The following RGP1 variants were observed in gnomAD, a reference collection of about 807,000 sequenced individuals.
RGP1 encodes RGP1 partner of RAB6A GEF complex.
In RGP1, 28 loss-of-function variants were observed where a neutral mutation model predicts 44.5. The ratio of observed to expected loss-of-function variants is 0.63; its 90% confidence interval spans 0.47 to 0.86. The LOEUF is 0.86. RGP1 is among the 40% of genes least tolerant of loss of function. The pLI, the probability that RGP1 is intolerant of heterozygous loss-of-function variation, is 0.00. For missense variants in RGP1, 417 were observed against 490.7 expected, an observed-to-expected ratio of 0.85 and a Z score of 1.42; for synonymous variants, 212 against 196.7, an observed-to-expected ratio of 1.08 and a Z score of -0.65.
the RGP1 span, among the ~76,000 whole-genome samples, chr9:35,771,270 C>T: frequency 2.6e-5 from 4 of 152,140 alleles, no homozygotes; most frequent in Non-Finnish European, 4.4e-5. Flanking sequence ...GCAGTCAGCC[C>T]GGAGCACAGC....
the RGP1 span, among the ~76,000 whole-genome samples, chr9:35,778,381 A>G: frequency 2.0e-5 from 3 of 152,202 alleles, no homozygotes; most frequent in Non-Finnish European, 2.9e-5. Flanking sequence ...GTTCCCCTTC[A>G]GGGAGGTATT....
the RGP1 span, among the ~76,000 whole-genome samples, chr9:35,771,946 A>G: frequency 6.6e-6 from 1 of 152,068 alleles, no homozygotes; most frequent in Non-Finnish European, 1.5e-5. Context: ...CTATTTATGT[A>G]TTATTTTTAT....
At chr9:35,767,553 A>T in the RGP1 span, among the ~76,000 whole-genome samples, 1 of 152,242 alleles carries the variant, frequency 6.6e-6, no homozygotes, top group South Asian at 2.1e-4. Flanking sequence ...TCAGAGCAGG[A>T]TGAGCTCTAT....
rs776216680 is a variant in RGP1 at position 35,750,691 on chromosome 9, C to T, written c.287C>T (p.Pro96Leu). Residue 96 changes from proline to leucine, a missense_variant, in exon 4 of 9, where the codon CCG becomes CTG. Coordinates refer to ENST00000378078, the MANE Select transcript of RGP1 (RefSeq NM_001080496.3). ...ERGQCILSTP[P>L]KILFCDLRLD... The stretch of plus-strand genomic sequence containing the variant: ...GGCCAGTGTATCCTTTCTACTCCAC[C>T]GAAAATTCTATTCTGTGACCTGAGG... The T allele has an allele frequency of 1.5e-5, 24 of 1,613,844 alleles. No homozygotes were observed. Among genetic ancestry groups the T allele is most frequent in the East Asian group, 4.5e-5 (2 of 44,892 alleles).
the RGP1 span, chr9:35,772,326 G>C: frequency 2.0e-5 from 3 of 152,194 alleles, no homozygotes; most frequent in Admixed American, 2.0e-4. Context: ...ACATCAGCTG[G>C]ATATTGAGAT....
chr9:35,774,825 C>A, the RGP1 span, among the ~76,000 whole-genome samples: 2 of 151,912 alleles, frequency 1.3e-5, no homozygotes, highest in Admixed American at 6.6e-5. Flanking sequence ...GTACTATAAT[C>A]TTTTCAGTGT....
the RGP1 span, among the ~76,000 whole-genome samples, chr9:35,775,319 G>C: frequency 6.6e-6 from 1 of 152,210 alleles, no homozygotes; most frequent in African/African-American, 2.4e-5. Flanking sequence ...CAATGCAGGG[G>C]AAGATTAGCA....
chr9:35,775,670 C>T, the RGP1 span, among the ~76,000 whole-genome samples: 10 of 152,192 alleles, frequency 6.6e-5, no homozygotes, highest in Non-Finnish European at 1.2e-4. Context: ...TGAACAGTTT[C>T]TCTTTTTTGG....
At chr9:35,759,897 A>T (rs1588038638), downstream of RGP1, among the ~76,000 whole-genome samples, 1 of 147,028 alleles carries the variant, frequency 6.8e-6, no homozygotes, top group Non-Finnish European at 1.5e-5. Flanking sequence ...ATTTCTACAC[A>T]GTTCCTTTAT....
rs182043770 is a variant in RGP1 at position 35,752,106 on chromosome 9, A to G, written c.913A>G (p.Ile305Val). The G allele has an allele frequency of 8.2e-6, 13 of 1,592,922 alleles. No individual in the cohort carries two copies. The highest frequency in any genetic ancestry group is 2.2e-5 in the East Asian group (1 of 44,818). ...AACTAGAACCAGCTTCTCCCTCCCA[A>G]TCCCTCTCAGCTCCACCCCAGGCTT... ...HTTRTSFSLP[I>V]PLSSTPGFCT... is the part of the protein sequence containing the mutation. The change falls in exon 8 of 9, where the codon ATC becomes GTC. Residue 305 changes from isoleucine to valine, a missense_variant. By Grantham distance (29) the Ile-to-Val change is conservative. Coordinates refer to ENST00000378078, the MANE Select transcript of RGP1 (RefSeq NM_001080496.3).
chr9:35,753,367 C>A lies in RGP1; in HGVS notation c.*493C>A. The stretch of plus-strand genomic sequence containing the variant: ...ACATGTTCCCTCTCTCACAGTTTTC[C>A]CCCCACAGAGCCCCTTTCAGTGGCC... On this transcript the variant is annotated 3_prime_UTR_variant, in exon 9 of 9. Coordinates refer to ENST00000378078, the MANE Select transcript of RGP1 (RefSeq NM_001080496.3). This position sits in a 1 kb window ranked among gnomAD's most constrained non-coding sequence, Gnocchi z 4.2. The A allele has an allele frequency of 6.9e-7, 1 of 1,453,636 alleles. No individual in the cohort carries two copies. Among genetic ancestry groups the A allele is most frequent in the Non-Finnish European group, 9.3e-7 (1 of 1,072,388 alleles). The allele number at this position is 1,453,636 out of a possible 1,614,324, so 90.0% of individuals were successfully genotyped here. A position where few individuals can be genotyped will look rare whatever the true frequency, so the allele number is the denominator to read the frequency against.
intron 7 of RGP1, 57 bp downstream of exon 7, chr9:35,751,811 T>C (rs1483903328): frequency 6.2e-7 from 1 of 1,610,004 alleles, no homozygotes; most frequent in East Asian, 2.2e-5. Context: ...AGGGCTAGGG[T>C]GGAAGGCCTG....
In RGP1 at chr9:35,750,973, G is replaced by A; in HGVS notation, c.471G>A (p.Arg157=). The A allele has an allele frequency of 6.2e-7, 1 of 1,613,870 alleles. No individual in the cohort carries two copies. The highest frequency in any genetic ancestry group is 8.5e-7 in the Non-Finnish European group (1 of 1,179,880). Residue 157 remains arginine, a synonymous_variant, in exon 5 of 9, where the codon AGG becomes AGA. Transcript: ENST00000378078. ...TCACTTTACTCAGAGTCCCTCTGAG[G>A]GTTCTTGTGCTGACTGGTAAGCAAG... The part of the protein sequence containing the change: ...SPITLLRVPL[R]VLVLTGLQDV...
downstream of RGP1, among the ~76,000 whole-genome samples, chr9:35,759,451 A>T (rs1480322334): frequency 6.6e-6 from 1 of 151,064 alleles, no homozygotes; most frequent in Non-Finnish European, 1.5e-5. Context: ...AATCCCAGCT[A>T]CTCTGGAGGC....
At chr9:35,778,387 G>T in the RGP1 span, among the ~76,000 whole-genome samples, 2 of 152,160 alleles carry the variant, frequency 1.3e-5, no homozygotes, top group African/African-American at 4.8e-5. Flanking sequence ...CTTCAGGGAG[G>T]TATTCGCTGT....
At chr9:35,765,284 T>C in the RGP1 span, among the ~76,000 whole-genome samples, 4 of 152,246 alleles carry the variant, frequency 2.6e-5, no homozygotes, top group Non-Finnish European at 4.4e-5. Flanking sequence ...TTTGTGGACA[T>C]ATGTTTGCAT....
At position 35,754,073 on chromosome 9, in the gene RGP1, C is replaced by T. The variant is rs751984313; in HGVS notation, c.*1199C>T. 1 of 1,613,456 alleles carries T rather than the reference C, an allele frequency of 6.2e-7. No homozygotes were observed. Among genetic ancestry groups the T allele is most frequent in the African/African-American group, 1.3e-5 (1 of 74,868 alleles). ...GTAGAGACATCACCAAGCAGATGATCCCCCAGCCTCCTAGGATCCCCTTGG... is the reference window on the plus strand; with the variant it reads ...GTAGAGACATCACCAAGCAGATGATTCCCCAGCCTCCTAGGATCCCCTTGG... On this transcript the variant is annotated 3_prime_UTR_variant, in exon 9 of 9. Coordinates refer to ENST00000378078, the MANE Select transcript of RGP1 (RefSeq NM_001080496.3).
At chr9:35,752,177 A>AG in intron 8 of RGP1, 32 bp downstream of exon 8, 1 of 1,518,558 alleles carries the variant, frequency 6.6e-7, no homozygotes, top group Non-Finnish European at 8.8e-7. Flanking sequence ...GAGAAGGGAG[A>AG]GGGGGACAGT....
Position 35,754,190 on chromosome 9 carries a change from T to C in RGP1, c.*1316T>C. 6 of 1,558,146 alleles carry C rather than the reference T, an allele frequency of 3.9e-6. No individual in the cohort carries two copies. The highest frequency in any genetic ancestry group is 5.2e-6 in the Non-Finnish European group (6 of 1,151,160). On this transcript the variant is annotated 3_prime_UTR_variant, in exon 9 of 9. Transcript: ENST00000378078. ...TCTGCTCAGCTACTCTGGTCTTGAC[T>C]CCTTGACTTTGCTTTGCGTTGCTCC...
Sources: gnomAD v4.1 joint callset for allele counts (sites outside exome capture counted in the v4.1 genomes callset) on GRCh38, gnomAD v4.1.1 for gene constraint, Gnocchi (gnomAD v3.1) non-coding constraint, MANE v1.5 for transcripts, NCBI Gene and HGNC (gene_info 2026-07-23, HGNC 2026-07-21) for gene names.